THAP5: variants seen among roughly 807,000 people sequenced by gnomAD.
THAP5 encodes the protein THAP domain containing 5.
In THAP5, 26 loss-of-function variants were observed where a neutral mutation model predicts 34.0. The ratio of observed to expected loss-of-function variants is 0.77; its 90% CI spans 0.56 to 1.06. The LOEUF (loss-of-function observed/expected upper bound fraction) is 1.06. THAP5 is among the 50% of genes least tolerant of loss of function. The pLI is 0.00. For synonymous variants in THAP5, 125 were observed against 153.0 expected (o/e 0.82, Z 1.35); for missense variants, 394 against 452.8 (o/e 0.87, Z 1.18).
intron 1 of THAP5, among the ~76,000 whole-genome samples, chr7:108,567,684 A>G (rs1487515366): frequency 1.3e-5 from 2 of 152,216 alleles, no homozygotes; most frequent in Non-Finnish European, 2.9e-5. Flanking sequence ...TATTAACTGA[A>G]TTCCCAAATT....
At chr7:108,544,595 A>G in the THAP5 span, among the ~76,000 whole-genome samples, 1 of 151,932 alleles carries the variant, frequency 6.6e-6, no homozygotes, top group Non-Finnish European at 1.5e-5. Context: ...AACAACAACA[A>G]CATATGGGGA....
the THAP5 span, among the ~76,000 whole-genome samples, chr7:108,548,462 A>G: frequency 2.0e-5 from 3 of 152,218 alleles, no homozygotes; most frequent in African/African-American, 7.2e-5. Flanking sequence ...CAGACTAAAT[A>G]TGAAGGTTAT....
intron 1 of THAP5, chr7:108,569,056 C>T (rs541907554): frequency 1.0e-6 from 1 of 994,434 alleles, no homozygotes; most frequent in East Asian, 9.3e-5. Context: ...GCCTCAGTTT[C>T]CTCAGGAGAA....
the THAP5 span, among the ~76,000 whole-genome samples, chr7:108,547,961 T>C: frequency 6.6e-6 from 1 of 152,236 alleles, no homozygotes; most frequent in East Asian, 1.9e-4. Context: ...GAAAAATGCC[T>C]ATGCACATGA....
the THAP5 span, among the ~76,000 whole-genome samples, chr7:108,542,319 A>G: frequency 7.2e-5 from 11 of 152,378 alleles, no homozygotes; most frequent in South Asian, 1.2e-3. Flanking sequence ...TTTATAAAAT[A>G]ATCATGGCAC....
At chr7:108,554,137 A>C (rs1042369259), downstream of THAP5, among the ~76,000 whole-genome samples, 1 of 152,166 alleles carries the variant, frequency 6.6e-6, no homozygotes. Flanking sequence ...CAGTGCCTTC[A>C]TCTTGGACTT....
downstream of THAP5, among the ~76,000 whole-genome samples, chr7:108,557,553 A>T (rs1864395455): frequency 6.6e-6 from 1 of 152,212 alleles, no homozygotes; most frequent in Non-Finnish European, 1.5e-5. Flanking sequence ...TCTCTTTGCT[A>T]AAGCATAGCA....
rs538140607 is a variant in THAP5 at position 108,563,923 on chromosome 7, T to C, written c.*268A>G. ...AGTCTGTGCTCTTTGAACACTTCTTTGTTTTCTCATGTTATAACTGAATCC... is the reference window on the plus strand; with the variant it reads ...AGTCTGTGCTCTTTGAACACTTCTTCGTTTTCTCATGTTATAACTGAATCC... On this transcript the variant is annotated 3_prime_UTR_variant, in exon 3 of 3. Coordinates refer to ENST00000415914, the MANE Select transcript of THAP5 (RefSeq NM_001130475.3). 1.0e-4 allele frequency: 27 copies of C among 260,578 alleles called. No individual in the cohort carries two copies. The highest frequency in any genetic ancestry group is 1.9e-4 in the Non-Finnish European group (26 of 137,586). The allele number at this position is 260,578 out of a possible 1,614,324, so 16.1% of individuals were successfully genotyped here.
At chr7:108,543,019 C>G in the THAP5 span, among the ~76,000 whole-genome samples, 15 of 151,984 alleles carry the variant, frequency 9.9e-5, no homozygotes, top group African/African-American at 2.9e-4. Context: ...CTCCGTCTCC[C>G]AGGTTCAAGC....
At chr7:108,545,306 A>G in the THAP5 span, among the ~76,000 whole-genome samples, 2 of 152,346 alleles carry the variant, frequency 1.3e-5, no homozygotes, top group African/African-American at 4.8e-5. Flanking sequence ...CATGTCTAAT[A>G]GATTAGTATA....
At chr7:108,569,396 C>T (rs1472109166) in intron 1 of THAP5, 94 bp downstream of exon 1, 3 of 1,541,742 alleles carry the variant, frequency 1.9e-6, no homozygotes, top group Non-Finnish European at 2.6e-6. Flanking sequence ...GCTGAGGACT[C>T]ACTGGCAGAG....
downstream of THAP5, among the ~76,000 whole-genome samples, chr7:108,553,306 G>C (rs1270371097): frequency 2.0e-5 from 3 of 152,006 alleles, no homozygotes; most frequent in Non-Finnish European, 2.9e-5. Context: ...GCCTCCCAAA[G>C]TGCTGGCATT....
chr7:108,544,405 C>T, the THAP5 span, among the ~76,000 whole-genome samples: 2 of 151,748 alleles, frequency 1.3e-5, no homozygotes, highest in Non-Finnish European at 2.9e-5. Flanking sequence ...GTGGCAGGCG[C>T]CTGTAATCCC....
chr7:108,558,383 A>G (rs543985233), downstream of THAP5, among the ~76,000 whole-genome samples: 670 of 18,114 alleles, frequency 0.037, 28 homozygotes, highest in African/African-American at 0.058. Flanking sequence ...GTGTGTATGT[A>G]TATATATATA....
Position 108,564,971 on chromosome 7 carries a change from G to A in THAP5, c.408C>T (p.Pro136=). 1 of 1,556,156 alleles carries A rather than the reference G, an allele frequency of 6.4e-7. No individual in the cohort carries two copies. The highest frequency in any genetic ancestry group is 1.2e-5 in the South Asian group (1 of 85,160). ...TKKNIVNTDV[P]HQHPELLHSS... is the part of the protein sequence containing the mutation. ...AATGAAGTAATTCTGGATGTTGATG[G>A]GGCACATCTGTGTTAACTATATTTT... The change falls in exon 3 of 3, where the codon CCC becomes CCT. Residue 136 remains proline (P), a synonymous_variant. Coordinates refer to ENST00000415914, the MANE Select transcript of THAP5 (RefSeq NM_001130475.3).
At chr7:108,543,984 A>G in the THAP5 span, among the ~76,000 whole-genome samples, 2 of 152,216 alleles carry the variant, frequency 1.3e-5, no homozygotes, top group Non-Finnish European at 2.9e-5. Context: ...GAACGACTAT[A>G]TGCCAATAAA....
chr7:108,550,849 G>C (rs10215124), downstream of THAP5, among the ~76,000 whole-genome samples: 1 of 152,016 alleles, frequency 6.6e-6, no homozygotes, highest in Non-Finnish European at 1.5e-5. Context: ...ATACAGTCAC[G>C]TCCTGAGGTA....
the THAP5 span, among the ~76,000 whole-genome samples, chr7:108,543,412 G>C: frequency 6.6e-6 from 1 of 152,240 alleles, no homozygotes; most frequent in East Asian, 1.9e-4. Context: ...AAGTCACTAA[G>C]GCCAGTCCGG....
At chr7:108,544,957 C>A in the THAP5 span, among the ~76,000 whole-genome samples, 1 of 152,096 alleles carries the variant, frequency 6.6e-6, no homozygotes, top group Non-Finnish European at 1.5e-5. Flanking sequence ...GGCCTAGATT[C>A]TCTGTAAATT....
Sources: allele counts gnomAD v4.1 joint callset (sites outside exome capture counted in the v4.1 genomes callset), GRCh38; gene constraint gnomAD v4.1.1; transcripts MANE v1.5; gene names NCBI Gene and HGNC (gene_info 2026-07-23, HGNC 2026-07-21).